The following AK3 variants were observed in gnomAD, a reference collection of about 807,000 sequenced individuals.
The protein encoded by AK3 is GTP:AMP phosphotransferase AK3, mitochondrial.
AK3 carries 27 observed loss-of-function variants against 23.7 expected under a neutral mutation model. The observed-to-expected ratio is 1.14, with a 90% CI of 0.84 to 1.57. The LOEUF is 1.57. AK3 is among the 40% of genes most tolerant of loss of function. AK3 has a pLI of 0.00. For synonymous variants in AK3, 159 were observed against 116.0 expected, an observed-to-expected ratio of 1.37 and a Z score of -2.38; for missense variants, 406 against 285.6, an observed-to-expected ratio of 1.42 and a Z score of -3.04.
At chr9:4,731,154 G>A (rs1024235367) in intron 1 of AK3, among the ~76,000 whole-genome samples, 2 of 152,144 alleles carry the variant, frequency 1.3e-5, no homozygotes, top group Non-Finnish European at 2.9e-5. Context: ...GGATATATGT[G>A]CAGGTTTGTT....
intron 1 of AK3, among the ~76,000 whole-genome samples, chr9:4,729,483 G>A (rs947172553): frequency 6.6e-6 from 1 of 151,818 alleles, no homozygotes; most frequent in Non-Finnish European, 1.5e-5. Context: ...CAGGGAGGGG[G>A]GAAAGACAGT....
At position 4,710,209 on chromosome 9, in the gene AK3, C is replaced by T. The variant is rs1841515041; in HGVS notation, c.*2767G>A. On this transcript the variant is annotated 3_prime_UTR_variant, in exon 5 of 5. Coordinates refer to ENST00000381809, the MANE Select transcript of AK3 (RefSeq NM_016282.4). ...AATAAATCAGTTGAGGTGCTGTTCTCCCTGGCTTTTTTTTTTGAGACGGAG... is the reference window on the plus strand; with the variant it reads ...AATAAATCAGTTGAGGTGCTGTTCTTCCTGGCTTTTTTTTTTGAGACGGAG... 1 of 152,102 alleles carries T rather than the reference C, an allele frequency of 6.6e-6. No individual in the cohort carries two copies. The allele number at this position is 152,102 out of a possible 1,614,324, so 9.4% of individuals were successfully genotyped here.
rs1478735666 is a variant in AK3 at position 4,740,801 on chromosome 9, G to A, written c.151+136C>T. ...TTGGGGCGCAGTCGCTCAGCAGCCC[G>A]AGGTCTCTGTCCCGGGCGGCGGGAG... is the stretch of plus-strand genomic sequence containing the variant. On this transcript the variant is annotated intron_variant, in intron 1 of 4. Transcript: ENST00000381809. The A allele has an allele frequency of 7.0e-6, 8 of 1,143,858 alleles. No individual in the cohort carries two copies. The South Asian group carries it at 1.0e-4, about 15-fold the overall frequency. 70.9% of individuals were successfully genotyped at this position (1,143,858 alleles called of 1,614,324 possible).
chr9:4,733,402 G>C (rs1842199179), intron 1 of AK3, among the ~76,000 whole-genome samples: 1 of 152,164 alleles, frequency 6.6e-6, no homozygotes, highest in Non-Finnish European at 1.5e-5. Context: ...AAGCAGGAAG[G>C]AGATGTGCAT....
intron 1 of AK3, 125 bp downstream of exon 1, chr9:4,740,812 C>A (rs1371936318): frequency 4.1e-6 from 5 of 1,223,416 alleles, no homozygotes; most frequent in Non-Finnish European, 5.4e-6. Context: ...AGGTCTCTGT[C>A]CCGGGCGGCG....
rs1203497970 is a variant in AK3, at chr9:4,710,505, C to T, written c.*2471G>A. 13 of 152,192 alleles carry T rather than the reference C, an allele frequency of 8.5e-5. No individual in the cohort carries two copies. Among genetic ancestry groups the T allele is most frequent in the Admixed American group, 8.5e-4 (13 of 15,254 alleles). The allele number at this position is 152,192 out of a possible 1,614,324, so 9.4% of individuals were successfully genotyped here. A position where few individuals can be genotyped will look rare whatever the true frequency, so the allele number is the denominator to read the frequency against. ...AAGTGCTGGGATTACAGGCGTGAGC[C>T]ACCGCGCCCGGCCTCTCATTGGCTT... On this transcript the variant is annotated 3_prime_UTR_variant, in exon 5 of 5. Transcript: ENST00000381809.
At chr9:4,732,035 G>T (rs1042293279) in intron 1 of AK3, among the ~76,000 whole-genome samples, 1 of 152,036 alleles carries the variant, frequency 6.6e-6, no homozygotes, top group African/African-American at 2.4e-5. Flanking sequence ...CTGCAGCCTC[G>T]ACGTGCTGGG....
chr9:4,728,285 G>T (rs962550248), intron 1 of AK3, among the ~76,000 whole-genome samples: 2 of 152,140 alleles, frequency 1.3e-5, no homozygotes, highest in African/African-American at 4.8e-5. Context: ...AAAAACAAGT[G>T]TTAGGCCAGG....
chr9:4,728,621 T>A (rs1395522890), intron 1 of AK3, among the ~76,000 whole-genome samples: 1 of 152,054 alleles, frequency 6.6e-6, no homozygotes, highest in African/African-American at 2.4e-5. Flanking sequence ...GGAGAAACTG[T>A]AACCCTCATA....
At chr9:4,714,447 G>A (rs1426656044) in intron 4 of AK3, among the ~76,000 whole-genome samples, 2 of 152,126 alleles carry the variant, frequency 1.3e-5, no homozygotes, top group East Asian at 3.8e-4. Flanking sequence ...ATCTGCTAAG[G>A]AAGGAAATTA....
At chr9:4,741,291 C>G (rs965806305), upstream of AK3, 3 of 465,574 alleles carry the variant, frequency 6.4e-6, no homozygotes, top group African/African-American at 6.1e-5. Flanking sequence ...CGCCTCTCGG[C>G]TACCCCGGCG....
At position 4,741,041 on chromosome 9, in the gene AK3, G is replaced by A; in HGVS notation, c.47C>T (p.Pro16Leu). Residue 16 changes from proline (P) to leucine (L), a missense_variant, in exon 1 of 5, where the codon CCG becomes CTG. Pro to Leu is a moderately conservative substitution (Grantham distance 98). Transcript: ENST00000381809. ...CGACACGGTGCCCTTGCCCGAGCCCGGGGCCCCCATGATCACCGCTCGCAG... is the reference window on the plus strand; with the variant it reads ...CGACACGGTGCCCTTGCCCGAGCCCAGGGCCCCCATGATCACCGCTCGCAG... ...RLLRAVIMGA[P>L]GSGKGTVSSR... The A allele has an allele frequency of 6.3e-7, 1 of 1,575,204 alleles. No homozygotes were observed. Among genetic ancestry groups the A allele is most frequent in the Non-Finnish European group, 8.6e-7 (1 of 1,163,232 alleles).
intron 4 of AK3, among the ~76,000 whole-genome samples, chr9:4,713,976 TTACACACCTACACA>T (rs1841635769): frequency 1.0e-4 from 1 of 9,834 alleles, no homozygotes; most frequent in East Asian, 1.7e-3. Context: ...ACCTCCACAT[TTACACACCTACACA>T]TATACGCCTA....
chr9:4,732,073 C>T, intron 1 of AK3, among the ~76,000 whole-genome samples: 1 of 152,090 alleles, frequency 6.6e-6, no homozygotes, highest in South Asian at 2.1e-4. Flanking sequence ...CCTCAACCTC[C>T]CAAGTAGCTG....
rs1327208830 is a variant in AK3, at chr9:4,710,378, T to G, written c.*2598A>C. The G allele has an allele frequency of 1.5e-5, 1 of 64,762 alleles. No individual in the cohort carries two copies. Among genetic ancestry groups the G allele is most frequent in the African/African-American group, 9.8e-5 (1 of 10,158 alleles). 4.0% of individuals were successfully genotyped at this position (64,762 alleles called of 1,614,324 possible). ...GCCCGCCACCATGCCCGGCTAATTT[T>G]TTTTTTTTTTTTTTGTATTTTTAGT... On this transcript the variant is annotated 3_prime_UTR_variant, in exon 5 of 5. Transcript: ENST00000381809.
At chr9:4,726,239 T>C (rs1030315241) in intron 1 of AK3, among the ~76,000 whole-genome samples, 9 of 152,138 alleles carry the variant, frequency 5.9e-5, no homozygotes, top group African/African-American at 1.9e-4. Context: ...GGCTGTGCAA[T>C]TGCATAAAAT....
intron 1 of AK3, among the ~76,000 whole-genome samples, chr9:4,735,710 C>T (rs1343000596): frequency 6.7e-6 from 1 of 150,178 alleles, no homozygotes; most frequent in Admixed American, 6.6e-5. Flanking sequence ...CTCAAATGAT[C>T]CACCTTCCTC....
intron 4 of AK3, among the ~76,000 whole-genome samples, chr9:4,713,604 G>T (rs1165593384): frequency 6.6e-6 from 1 of 151,806 alleles, no homozygotes; most frequent in East Asian, 1.9e-4. Flanking sequence ...TTTTTGCCCA[G>T]GCCAACATTT....
At chr9:4,721,133 T>A (rs893226904) in intron 2 of AK3, among the ~76,000 whole-genome samples, 1 of 152,238 alleles carries the variant, frequency 6.6e-6, no homozygotes, top group Non-Finnish European at 1.5e-5. Flanking sequence ...CCAGGTGCGA[T>A]GGCTCATACT....
Sources: allele counts gnomAD v4.1 joint callset (sites outside exome capture counted in the v4.1 genomes callset), GRCh38; gene constraint gnomAD v4.1.1; transcripts MANE v1.5; gene names NCBI Gene and HGNC (gene_info 2026-07-23, HGNC 2026-07-21).